ZNG1A: variants seen among roughly 807,000 people sequenced by gnomAD.
The protein encoded by ZNG1A is zinc-regulated GTPase metalloprotein activator 1A.
the ZNG1A span, chr9:160,219 C>T: frequency 2.2e-6 from 1 of 454,316 alleles, no homozygotes; most frequent in Admixed American, 2.3e-5. Context: ...CAATTACCAC[C>T]TCAGTTTCAG....
At chr9:139,068 G>C in the ZNG1A span, among the ~76,000 whole-genome samples, 1 of 148,134 alleles carries the variant, frequency 6.8e-6, no homozygotes, top group Non-Finnish European at 1.5e-5. Flanking sequence ...CGAGACTTAC[G>C]AGATATTCAC....
At chr9:159,465 A>G in the ZNG1A span, among the ~76,000 whole-genome samples, 3 of 152,200 alleles carry the variant, frequency 2.0e-5, no homozygotes. Flanking sequence ...TAGCAATGTG[A>G]GGTGATGGAT....
the ZNG1A span, among the ~76,000 whole-genome samples, chr9:139,090 T>A: frequency 6.8e-6 from 1 of 147,834 alleles, no homozygotes; most frequent in African/African-American, 2.6e-5. Context: ...GCAGCATTAT[T>A]TGCAATAGCC....
chr9:176,934 G>C, the ZNG1A span, among the ~76,000 whole-genome samples: 10 of 152,182 alleles, frequency 6.6e-5, no homozygotes, highest in East Asian at 1.7e-3. Flanking sequence ...AAGTGAACAA[G>C]ATAGTCTCTG....
At chr9:145,730 GA>G in the ZNG1A span, among the ~76,000 whole-genome samples, 2 of 150,976 alleles carry the variant, frequency 1.3e-5, no homozygotes, top group African/African-American at 4.9e-5. Context: ...AAAAACTCAA[GA>G]AAAAATAAAA....
At chr9:153,946 T>A in the ZNG1A span, 1 of 152,220 alleles carries the variant, frequency 6.6e-6, no homozygotes, top group African/African-American at 2.4e-5. Flanking sequence ...AGGGCTTTTA[T>A]TAGTTCAGGT....
At chr9:144,391 G>A in the ZNG1A span, among the ~76,000 whole-genome samples, 45 of 149,578 alleles carry the variant, frequency 3.0e-4, no homozygotes, top group South Asian at 4.3e-3. Context: ...AAATAACGCC[G>A]CATATCTACA....
At chr9:150,641 C>A in the ZNG1A span, 2 of 982,718 alleles carry the variant, frequency 2.0e-6, no homozygotes, top group Non-Finnish European at 2.4e-6. Flanking sequence ...AAGCACCATA[C>A]ACTGAATAAT....
the ZNG1A span, among the ~76,000 whole-genome samples, chr9:170,377 G>A: frequency 7.0e-5 from 10 of 143,496 alleles, no homozygotes; most frequent in African/African-American, 2.6e-4. Context: ...GTGTGTGTGT[G>A]CGCATGTGCA....
At chr9:151,087 G>A in the ZNG1A span, 1 of 985,366 alleles carries the variant, frequency 1.0e-6, no homozygotes. Context: ...AATGGAATTT[G>A]AAATGCAGGG....
the ZNG1A span, among the ~76,000 whole-genome samples, chr9:140,355 C>A: frequency 6.6e-6 from 1 of 151,262 alleles, no homozygotes; most frequent in Non-Finnish European, 1.5e-5. Flanking sequence ...GTCCCTGACC[C>A]CTGACCCCCG....
the ZNG1A span, chr9:175,918 G>C: frequency 2.9e-6 from 4 of 1,381,354 alleles, no homozygotes; most frequent in Non-Finnish European, 3.8e-6. Flanking sequence ...GAATATCCTA[G>C]AGGATAAGAT....
chr9:147,175 C>CAGAAGAAAA, the ZNG1A span: 1 of 22,618 alleles, frequency 4.4e-5, no homozygotes, highest in African/African-American at 2.0e-4. Context: ...GACTCCGCCT[C>CAGAAGAAAA]AAAAGAAAAA....
At chr9:159,653 C>G in the ZNG1A span, among the ~76,000 whole-genome samples, 1 of 150,686 alleles carries the variant, frequency 6.6e-6, no homozygotes, top group Non-Finnish European at 1.5e-5. Flanking sequence ...ATAGGGTGTC[C>G]TTTTCTGCAG....
the ZNG1A span, chr9:154,702 T>A: frequency 6.3e-7 from 1 of 1,591,148 alleles, no homozygotes; most frequent in African/African-American, 1.3e-5. Flanking sequence ...CACTTATCAT[T>A]TCGTACCTAA....
At chr9:128,030 G>C in the ZNG1A span, among the ~76,000 whole-genome samples, 1 of 151,988 alleles carries the variant, frequency 6.6e-6, no homozygotes, top group Non-Finnish European at 1.5e-5. Flanking sequence ...ATCCCTTCTG[G>C]CTTGCAGGGT....
chr9:173,951 T>C, the ZNG1A span, among the ~76,000 whole-genome samples: 1 of 151,942 alleles, frequency 6.6e-6, no homozygotes, highest in Non-Finnish European at 1.5e-5. Flanking sequence ...ACCGAGACCA[T>C]CCTCGCTAAC....
At chr9:154,428 T>C in the ZNG1A span, 26 of 494,440 alleles carry the variant, frequency 5.3e-5, no homozygotes, top group African/African-American at 3.7e-4. Context: ...AGACTGACAT[T>C]AGGAAAGAGT....
At chr9:139,812 C>G in the ZNG1A span, among the ~76,000 whole-genome samples, 6,844 of 151,480 alleles carry the variant, frequency 0.045, 177 homozygotes, top group African/African-American at 0.069. Context: ...CGTGCACCAT[C>G]CGCGAGCCGA....
Sources: allele counts gnomAD v4.1 joint callset (sites outside exome capture counted in the v4.1 genomes callset), GRCh38; gene constraint gnomAD v4.1.1; transcripts MANE v1.5; gene names NCBI Gene and HGNC (gene_info 2026-07-23, HGNC 2026-07-21).